C3orf70: variants seen among roughly 807,000 people sequenced by gnomAD.
C3orf70 encodes the protein chromosome 3 open reading frame 70.
In C3orf70, 15 loss-of-function variants were observed where a neutral mutation model predicts 20.7. That is an observed-to-expected ratio of 0.72 (90% confidence interval 0.48 to 1.11). The LOEUF is 1.11. Ranked by LOEUF, C3orf70 falls within the 50% of genes most tolerant of loss-of-function variation. The pLI, the probability that C3orf70 is intolerant of heterozygous loss-of-function variation, is 0.00. For missense variants in C3orf70, 332 were observed against 317.6 expected (o/e 1.05, Z -0.34); for synonymous variants, 161 against 125.7 (o/e 1.28, Z -1.88).
At chr3:185,137,837 G>T (rs1460294885) in intron 1 of C3orf70, among the ~76,000 whole-genome samples, 1 of 152,074 alleles carries the variant, frequency 6.6e-6, no homozygotes, top group African/African-American at 2.4e-5. Flanking sequence ...CCATCAAGAA[G>T]CTAGAAAAAG....
At position 185,077,740 on chromosome 3, in the gene C3orf70, G is replaced by C. The variant is rs955407201; in HGVS notation, c.*5267C>G. Reference sequence around the variant, plus strand: ...CTGCCCCACATGACACGTGTAAGCCGAACAGAAAGGCTGTAACTGCGTGTG... The same window carrying C: ...CTGCCCCACATGACACGTGTAAGCCCAACAGAAAGGCTGTAACTGCGTGTG... On this transcript the variant is annotated 3_prime_UTR_variant, in exon 2 of 2. Coordinates refer to ENST00000335012, the MANE Select transcript of C3orf70 (RefSeq NM_001025266.3). Among the ~76,000 whole-genome samples, 1 of 141,642 alleles carries C rather than the reference G, an allele frequency of 7.1e-6. No homozygotes were observed. Among genetic ancestry groups the C allele is most frequent in the Non-Finnish European group, 1.5e-5 (1 of 66,074 alleles). The allele number at this position is 141,642 out of a possible 152,430, so 92.9% of individuals were successfully genotyped here.
At chr3:185,103,133 T>C (rs888199789) in intron 1 of C3orf70, among the ~76,000 whole-genome samples, 1 of 152,102 alleles carries the variant, frequency 6.6e-6, no homozygotes, top group African/African-American at 2.4e-5. Context: ...TAATCCCAGC[T>C]ACTCAGGAGG....
chr3:185,081,464 A>G lies in C3orf70; in HGVS notation c.*1543T>C, dbSNP rs976079465. On this transcript the variant is annotated 3_prime_UTR_variant, in exon 2 of 2. Coordinates refer to ENST00000335012, the MANE Select transcript of C3orf70 (RefSeq NM_001025266.3). The stretch of plus-strand genomic sequence containing the variant: ...TAGAGATGTACCATAATGGTGCCAG[A>G]GCACAAGGGAATCTCAGAGCACAAT... The G allele has an allele frequency of 2.6e-5, 4 of 152,130 alleles. No individual in the cohort carries two copies. The highest frequency in any genetic ancestry group is 5.9e-5 in the Non-Finnish European group (4 of 68,026). The allele number at this position is 152,130 out of a possible 1,614,324, so 9.4% of individuals were successfully genotyped here.
intron 1 of C3orf70, among the ~76,000 whole-genome samples, chr3:185,118,376 C>T (rs543861511): frequency 1.8e-3 from 269 of 152,236 alleles, no homozygotes; most frequent in African/African-American, 6.1e-3. Flanking sequence ...TATTTTTATA[C>T]GGCATATATA....
At chr3:185,084,737 A>G (rs1212962779) in intron 1 of C3orf70, among the ~76,000 whole-genome samples, 1 of 152,190 alleles carries the variant, frequency 6.6e-6, no homozygotes, top group African/African-American at 2.4e-5. Flanking sequence ...TTTTTCATTC[A>G]ACATCTAGCA....
chr3:185,100,639 C>A (rs1715802799), intron 1 of C3orf70, among the ~76,000 whole-genome samples: 1 of 151,722 alleles, frequency 6.6e-6, no homozygotes, highest in Admixed American at 6.6e-5. Flanking sequence ...AACTAGAAAA[C>A]CAAGAGCAAG....
intron 1 of C3orf70, among the ~76,000 whole-genome samples, chr3:185,109,621 G>T (rs532918836): frequency 1.1e-3 from 161 of 152,310 alleles, no homozygotes; most frequent in African/African-American, 3.7e-3. Context: ...TTTAATGGTA[G>T]CTATGATAGT....
At chr3:185,111,157 A>T (rs1399976228) in intron 1 of C3orf70, among the ~76,000 whole-genome samples, 2 of 152,262 alleles carry the variant, frequency 1.3e-5, no homozygotes. Flanking sequence ...AAATTTTTAG[A>T]AGAATACATA....
chr3:185,144,594 C>T (rs1169167286), intron 1 of C3orf70, among the ~76,000 whole-genome samples: 1 of 152,224 alleles, frequency 6.6e-6, no homozygotes, highest in African/African-American at 2.4e-5. Context: ...GCCTCAGCCT[C>T]CCAAGTAGCT....
chr3:185,092,535 C>T (rs928443805), intron 1 of C3orf70, among the ~76,000 whole-genome samples: 2 of 152,176 alleles, frequency 1.3e-5, no homozygotes, highest in Non-Finnish European at 2.9e-5. Flanking sequence ...GAGCTAGGTT[C>T]ATGGGGTAAA....
intron 1 of C3orf70, among the ~76,000 whole-genome samples, chr3:185,137,730 T>C (rs1226093120): frequency 6.6e-6 from 1 of 152,136 alleles, no homozygotes; most frequent in Non-Finnish European, 1.5e-5. Flanking sequence ...TAAAAATTTA[T>C]GATACACAGC....
chr3:185,120,390 T>C (rs1351399373), intron 1 of C3orf70, among the ~76,000 whole-genome samples: 2 of 152,006 alleles, frequency 1.3e-5, no homozygotes, highest in Non-Finnish European at 2.9e-5. Context: ...AGTAAACAAA[T>C]AGATATGCAG....
At chr3:185,142,309 T>C (rs1346293797) in intron 1 of C3orf70, among the ~76,000 whole-genome samples, 1 of 151,942 alleles carries the variant, frequency 6.6e-6, no homozygotes. Flanking sequence ...AATAAAAAAA[T>C]GAGCCAGGCA....
At chr3:185,147,805 T>C (rs1038753388) in intron 1 of C3orf70, among the ~76,000 whole-genome samples, 3 of 152,248 alleles carry the variant, frequency 2.0e-5, no homozygotes, top group Non-Finnish European at 4.4e-5. Context: ...CTTTGACTAA[T>C]GCTTCAATTA....
At chr3:185,092,108 T>G (rs9857572) in intron 1 of C3orf70, among the ~76,000 whole-genome samples, 92,905 of 149,926 alleles carry the variant, frequency 0.62, 29,925 homozygotes, top group East Asian at 0.79. Flanking sequence ...CTGTTGGACA[T>G]TTTTGAAATT....
At chr3:185,150,549 AC>A (rs1208013712) in intron 1 of C3orf70, among the ~76,000 whole-genome samples, 4 of 152,226 alleles carry the variant, frequency 2.6e-5, no homozygotes, top group African/African-American at 9.6e-5. Flanking sequence ...TTAAAAAAAA[AC>A]AAAACAGCTC....
intron 1 of C3orf70, among the ~76,000 whole-genome samples, chr3:185,139,787 G>A (rs182782813): frequency 6.6e-6 from 1 of 152,248 alleles, no homozygotes; most frequent in African/African-American, 2.4e-5. Flanking sequence ...AGGCAAAGAA[G>A]TGAATTGTGA....
intron 1 of C3orf70, among the ~76,000 whole-genome samples, chr3:185,145,284 A>C (rs1233710600): frequency 6.6e-6 from 1 of 152,364 alleles, no homozygotes; most frequent in South Asian, 2.1e-4. Context: ...CATGTGGTTT[A>C]AATCTCTAAG....
chr3:185,095,837 A>C (rs990601733), intron 1 of C3orf70, among the ~76,000 whole-genome samples: 2 of 151,536 alleles, frequency 1.3e-5, no homozygotes, highest in African/African-American at 4.9e-5. Context: ...CCTGGGTTCA[A>C]GCAATTCCCC....
Sources: gnomAD v4.1 joint callset for allele counts (sites outside exome capture counted in the v4.1 genomes callset) on GRCh38, gnomAD v4.1.1 for gene constraint, MANE v1.5 for transcripts, NCBI Gene and HGNC (gene_info 2026-07-23, HGNC 2026-07-21) for gene names.